The following TRAPPC3L variants were observed in gnomAD, a reference collection of about 807,000 sequenced individuals.
TRAPPC3L encodes trafficking protein particle complex subunit 3-like protein.
Under a neutral mutation model 23.7 loss-of-function variants are expected in TRAPPC3L, and 23 were observed. The observed-to-expected ratio is 0.97, with a 90% CI of 0.70 to 1.37. TRAPPC3L has a LOEUF of 1.37. Among genes scored for constraint, TRAPPC3L ranks in the 40% most tolerant of loss-of-function variants. The pLI is 0.00. For missense variants in TRAPPC3L, 212 were observed against 216.8 expected (o/e 0.98, Z 0.14); for synonymous variants, 81 against 77.9 (o/e 1.04, Z -0.21).
chr6:116,502,185 C>G (rs1178017437), intron 3 of TRAPPC3L, among the ~76,000 whole-genome samples: 1 of 152,074 alleles, frequency 6.6e-6, no homozygotes, highest in Non-Finnish European at 1.5e-5. Flanking sequence ...CTTAAATGAC[C>G]TGATGGAGCT....
chr6:116,514,381 G>GGTAGTGAAA (rs1772181774), intron 3 of TRAPPC3L, among the ~76,000 whole-genome samples: 1 of 152,174 alleles, frequency 6.6e-6, no homozygotes, highest in Admixed American at 6.5e-5. Context: ...TTCACTTGAT[G>GGTAGTGAAA]GTAGTTGTGC....
At chr6:116,515,591 CT>C (rs745381576) in intron 3 of TRAPPC3L, 14 of 1,596,592 alleles carry the variant, frequency 8.8e-6, no homozygotes, top group Admixed American at 1.8e-5. Flanking sequence ...ATATTTCTTT[CT>C]TCTTAAGATT....
rs1295808599 is a variant in TRAPPC3L at position 116,495,780 on chromosome 6, C to A, written c.*1174G>T. On this transcript the variant is annotated 3_prime_UTR_variant, in exon 5 of 5. Transcript: ENST00000368602. ...TCTGATGACCAATGATGTTGAGCAC[C>A]TTTTCATATACCTGTTTGCCATTTG... The A allele has an allele frequency of 6.6e-6, 1 of 152,078 alleles. No homozygotes were observed. The highest frequency in any genetic ancestry group is 1.5e-5 in the Non-Finnish European group (1 of 68,004). 9.4% of individuals were successfully genotyped at this position (152,078 alleles called of 1,614,324 possible).
At chr6:116,539,561 T>C (rs1253940317) in intron 3 of TRAPPC3L, among the ~76,000 whole-genome samples, 2 of 152,206 alleles carry the variant, frequency 1.3e-5, no homozygotes, top group East Asian at 3.8e-4. Flanking sequence ...TTCAGAGGGT[T>C]ACTGTGACAG....
rs1197837761 is a variant in TRAPPC3L at position 116,518,741 on chromosome 6, A to C, written c.241-18075T>G. On this transcript the variant is annotated intron_variant, in intron 3 of 4. Transcript: ENST00000368602. ...AGGATTGAGGAGTCATATCTGGGGG[A>C]TATTCCTGCCACCCTCAAGTCCAGG... 3 of 152,250 alleles carry C rather than the reference A, an allele frequency of 2.0e-5. No homozygotes were observed. In the East Asian group the frequency reaches 5.8e-4, roughly 29 times the overall value. 9.4% of individuals were successfully genotyped at this position (152,250 alleles called of 1,614,324 possible).
intron 3 of TRAPPC3L, chr6:116,511,764 T>C (rs1434210499): frequency 6.2e-7 from 1 of 1,614,102 alleles, no homozygotes; most frequent in Non-Finnish European, 8.5e-7. Flanking sequence ...TACAGCTTCA[T>C]GGCTCTGCTG....
chr6:116,541,582 T>C (rs1227407567), intron 2 of TRAPPC3L, among the ~76,000 whole-genome samples: 1 of 152,186 alleles, frequency 6.6e-6, no homozygotes, highest in Non-Finnish European at 1.5e-5. Context: ...CTATTTATAT[T>C]TCTGAGTGGA....
chr6:116,502,275 G>C (rs1428343058), intron 3 of TRAPPC3L, among the ~76,000 whole-genome samples: 4 of 152,202 alleles, frequency 2.6e-5, no homozygotes. Flanking sequence ...AAGGATATCA[G>C]TGACTGAAGA....
chr6:116,521,197 AAT>A (rs1419585052), intron 3 of TRAPPC3L: 3 of 152,038 alleles, frequency 2.0e-5, no homozygotes, highest in Non-Finnish European at 4.4e-5. Context: ...TATATAACAA[AAT>A]ATATGTGCTA....
At position 116,545,641 on chromosome 6, in the gene TRAPPC3L, G is replaced by C; in HGVS notation, c.-127C>G. 1 of 704,858 alleles carries C rather than the reference G, an allele frequency of 1.4e-6. No individual in the cohort carries two copies. 43.7% of individuals were successfully genotyped at this position (704,858 alleles called of 1,614,324 possible). ...TTCCTCGCTTTGAGACAGGAGTGCT[G>C]CTTCTGCACTCTGCTGCTTTTGCTC... is the stretch of plus-strand genomic sequence containing the variant. On this transcript the variant is annotated 5_prime_UTR_variant, in exon 1 of 5. Transcript: ENST00000368602.
chr6:116,527,519 C>CAAAAAAAAAA (rs34686241), intron 3 of TRAPPC3L, among the ~76,000 whole-genome samples: 3 of 112,376 alleles, frequency 2.7e-5, no homozygotes, highest in African/African-American at 3.4e-5. Flanking sequence ...CGTCTCAAAA[C>CAAAAAAAAAA]AAAAAAAAAA....
intron 3 of TRAPPC3L, among the ~76,000 whole-genome samples, chr6:116,540,012 C>T (rs776656689): frequency 2.6e-5 from 4 of 152,174 alleles, no homozygotes; most frequent in Non-Finnish European, 4.4e-5. Context: ...AACCATCTCC[C>T]TCCATGTGCT....
At chr6:116,537,536 C>T (rs1231607236) in intron 3 of TRAPPC3L, among the ~76,000 whole-genome samples, 1 of 152,126 alleles carries the variant, frequency 6.6e-6, no homozygotes, top group Non-Finnish European at 1.5e-5. Context: ...CTATGCTCTC[C>T]ATAGAACATT....
chr6:116,533,478 T>G (rs2115200403), intron 3 of TRAPPC3L, among the ~76,000 whole-genome samples: 1 of 152,292 alleles, frequency 6.6e-6, no homozygotes, highest in Middle Eastern at 3.4e-3. Context: ...ACCAGACAGC[T>G]AGAGTTGCAC....
In TRAPPC3L at chr6:116,540,357, A is replaced by T. The variant is rs1451408004; in HGVS notation, c.240+6T>A. 6.5e-7 allele frequency: 1 copy of T among 1,549,906 alleles called. No individual in the cohort carries two copies. Among genetic ancestry groups the T allele is most frequent in the East Asian group, 2.4e-5 (1 of 40,920 alleles). ...AACATATTGACAGAGATAAAAACAT[A>T]GTTACCTGGGCAATTATGTCTATAA... On this transcript the variant is annotated splice_donor_region_variant and intron_variant, in intron 3 of 4. Transcript: ENST00000368602.
At chr6:116,514,726 T>G (rs1414284666) in intron 3 of TRAPPC3L, among the ~76,000 whole-genome samples, 1 of 152,202 alleles carries the variant, frequency 6.6e-6, no homozygotes, top group South Asian at 2.1e-4. Flanking sequence ...AACCACTGAT[T>G]TAAAGCTTAT....
chr6:116,507,318 C>T lies in TRAPPC3L; in HGVS notation c.241-6652G>A, dbSNP rs181029020. ...CAGAGGATGCTAGGGGCAGATTAGA[C>T]CCAAGAATACATTTTGGGAAGTGAA... On this transcript the variant is annotated intron_variant, in intron 3 of 4. Transcript: ENST00000368602. Among the ~76,000 whole-genome samples the T allele has an allele frequency of 1.1e-4, 17 of 152,162 alleles. No homozygotes were observed. The East Asian group carries it at 3.3e-3, about 29-fold the overall frequency.
At chr6:116,522,358 TG>T (rs1205830518) in intron 3 of TRAPPC3L, 2 of 152,198 alleles carry the variant, frequency 1.3e-5, no homozygotes, top group African/African-American at 4.8e-5. Context: ...CACTGAATTT[TG>T]GGGCAATATG....
chr6:116,500,388 C>G, intron 4 of TRAPPC3L, 93 bp downstream of exon 4: 1 of 1,193,210 alleles, frequency 8.4e-7, no homozygotes, highest in Non-Finnish European at 1.2e-6. Context: ...AACCAATATA[C>G]CCAGCAAAAT....
Sources: allele counts gnomAD v4.1 joint callset (sites outside exome capture counted in the v4.1 genomes callset), GRCh38; gene constraint gnomAD v4.1.1; transcripts MANE v1.5; gene names NCBI Gene and HGNC (gene_info 2026-07-23, HGNC 2026-07-21).